The following MAP4K3 variants were observed in gnomAD, a reference collection of about 807,000 sequenced individuals.
MAP4K3 encodes mitogen-activated protein kinase kinase kinase kinase 3.
MAP4K3 carries 94 observed loss-of-function variants against 143.5 expected under a neutral mutation model. The observed-to-expected ratio is 0.65, with a 90% CI of 0.55 to 0.78. The LOEUF (loss-of-function observed/expected upper bound fraction) is 0.78. MAP4K3 is among the 30% of genes least tolerant of loss of function. MAP4K3 has a pLI of 0.00. For missense variants in MAP4K3, 1,077 were observed against 1,068.1 expected (o/e 1.01, Z -0.12); for synonymous variants, 416 against 347.2 (o/e 1.20, Z -2.20).
chr2:39,280,359 A>G lies in MAP4K3; in HGVS notation c.1630-3T>C. ...ACTTTTGAAAAACATGCACCCATCT[A>G]GGGAAACAAAGAATAACCAATATGA... On this transcript the variant is annotated splice_region_variant and splice_polypyrimidine_tract_variant and intron_variant, in intron 22 of 33. Transcript: ENST00000263881. 1.3e-6 allele frequency: 2 copies of G among 1,577,266 alleles called. No individual in the cohort carries two copies. The highest frequency in any genetic ancestry group is 1.1e-5 in the South Asian group (1 of 87,206).
intron 3 of MAP4K3, among the ~76,000 whole-genome samples, chr2:39,345,336 G>C (rs1468035995): frequency 2.0e-5 from 3 of 152,062 alleles, no homozygotes; most frequent in Non-Finnish European, 2.9e-5. Context: ...CGTATTATTT[G>C]AGCCCAGGAG....
intron 28 of MAP4K3, among the ~76,000 whole-genome samples, chr2:39,263,470 G>A (rs1680648950): frequency 1.4e-5 from 2 of 147,374 alleles, no homozygotes; most frequent in African/African-American, 5.0e-5. Context: ...TAGTAGAGAC[G>A]GGGTTTCACC....
chr2:39,307,075 A>T (rs1015668793), intron 15 of MAP4K3, among the ~76,000 whole-genome samples: 2 of 152,244 alleles, frequency 1.3e-5, no homozygotes, highest in Non-Finnish European at 1.5e-5. Flanking sequence ...GTCCTAGATT[A>T]AAAAATTTAT....
At chr2:39,274,677 A>G (rs930687630) in intron 24 of MAP4K3, among the ~76,000 whole-genome samples, 1 of 152,200 alleles carries the variant, frequency 6.6e-6, no homozygotes, top group Non-Finnish European at 1.5e-5. Flanking sequence ...GCCTAGACTC[A>G]TATATCTGTT....
At chr2:39,274,575 T>C (rs940584525) in intron 24 of MAP4K3, among the ~76,000 whole-genome samples, 1 of 152,202 alleles carries the variant, frequency 6.6e-6, no homozygotes, top group South Asian at 2.1e-4. Flanking sequence ...AGATTTTCAA[T>C]GCTTTCTTCC....
chr2:39,307,902 TA>T, intron 15 of MAP4K3, 40 bp downstream of exon 15: 2 of 1,448,762 alleles, frequency 1.4e-6, no homozygotes, highest in South Asian at 1.3e-5. Flanking sequence ...CAATTAAGAC[TA>T]AAACAATGCT....
intron 1 of MAP4K3, among the ~76,000 whole-genome samples, chr2:39,414,729 G>C (rs1400041112): frequency 1.3e-5 from 2 of 152,096 alleles, no homozygotes; most frequent in East Asian, 1.9e-4. Flanking sequence ...CAAAAAATTA[G>C]CTGGGCGTGG....
intron 29 of MAP4K3, among the ~76,000 whole-genome samples, chr2:39,260,027 A>G (rs1053069050): frequency 2.6e-5 from 4 of 152,180 alleles, no homozygotes; most frequent in African/African-American, 9.7e-5. Flanking sequence ...TATACACAGG[A>G]CTTTGAGGAT....
intron 2 of MAP4K3, among the ~76,000 whole-genome samples, chr2:39,361,611 A>T (rs2148559262): frequency 6.6e-6 from 1 of 152,016 alleles, no homozygotes; most frequent in East Asian, 1.9e-4. Flanking sequence ...TGTACCTAAG[A>T]ATAAGCTTTA....
chr2:39,435,815 T>G (rs1349211443), intron 1 of MAP4K3, among the ~76,000 whole-genome samples: 1 of 152,132 alleles, frequency 6.6e-6, no homozygotes, highest in African/African-American at 2.4e-5. Context: ...TCCACGATGG[T>G]GAAAAGTAGA....
intron 2 of MAP4K3, among the ~76,000 whole-genome samples, chr2:39,374,853 T>TA (rs1017402876): frequency 2.0e-5 from 3 of 151,914 alleles, no homozygotes; most frequent in Non-Finnish European, 4.4e-5. Flanking sequence ...TTATCAGCTG[T>TA]AAAAAAAGGA....
Position 39,280,318 on chromosome 2 carries a change from G to T in MAP4K3, c.1668C>A (p.Pro556=). ...ATGATGATGCACAGTGAATTTTCAA[G>T]GGACACCCATTAAAAACTTTTGAAA... The part of the protein sequence containing the change: ...ACFSKVFNGC[P]LKIHCASSWI... Residue 556 remains proline, a synonymous_variant, in exon 23 of 34, where the codon CCC becomes CCA. Coordinates refer to ENST00000263881, the MANE Select transcript of MAP4K3 (RefSeq NM_003618.4). The T allele has an allele frequency of 6.2e-7, 1 of 1,603,704 alleles. No homozygotes were observed. The highest frequency in any genetic ancestry group is 8.5e-7 in the Non-Finnish European group (1 of 1,173,808).
chr2:39,269,962 C>T (rs960644050), intron 26 of MAP4K3, among the ~76,000 whole-genome samples: 2 of 151,958 alleles, frequency 1.3e-5, no homozygotes, highest in South Asian at 2.1e-4. Context: ...TCCCCACACT[C>T]TTAACGAATC....
intron 18 of MAP4K3, among the ~76,000 whole-genome samples, 192 bp from the exon 19 acceptor site, chr2:39,290,526 G>A (rs1008306464): frequency 2.0e-5 from 3 of 152,124 alleles, no homozygotes; most frequent in South Asian, 2.1e-4. Flanking sequence ...GGGAACTGGA[G>A]GACATTATGT....
intron 20 of MAP4K3, among the ~76,000 whole-genome samples, chr2:39,287,244 A>G (rs1681826318): frequency 6.6e-6 from 1 of 151,964 alleles, no homozygotes; most frequent in African/African-American, 2.4e-5. Context: ...ATTCATAACT[A>G]CTTTTAGAAA....
intron 2 of MAP4K3, among the ~76,000 whole-genome samples, chr2:39,363,252 A>G (rs964972843): frequency 5.9e-5 from 9 of 152,234 alleles, no homozygotes; most frequent in African/African-American, 1.9e-4. Context: ...CACAAGAAAC[A>G]GAATTAAAAG....
At chr2:39,432,237 T>C (rs1665312833) in intron 1 of MAP4K3, among the ~76,000 whole-genome samples, 5 of 152,248 alleles carry the variant, frequency 3.3e-5, no homozygotes, top group Admixed American at 2.6e-4. Flanking sequence ...AAATGATGCA[T>C]TAGATACGTT....
At chr2:39,281,853 A>C (rs1681545293) in intron 22 of MAP4K3, among the ~76,000 whole-genome samples, 1 of 151,296 alleles carries the variant, frequency 6.6e-6, no homozygotes, top group Non-Finnish European at 1.5e-5. Flanking sequence ...ATTTTGTAAC[A>C]TACAGTTTAT....
chr2:39,359,406 C>T (rs1350807379), intron 2 of MAP4K3, among the ~76,000 whole-genome samples: 1 of 152,190 alleles, frequency 6.6e-6, no homozygotes, highest in Non-Finnish European at 1.5e-5. Context: ...GGGTACAGCT[C>T]CCCTCCTGGC....
Sources: gnomAD v4.1 joint callset for allele counts (sites outside exome capture counted in the v4.1 genomes callset) on GRCh38, gnomAD v4.1.1 for gene constraint, MANE v1.5 for transcripts, NCBI Gene and HGNC (gene_info 2026-07-23, HGNC 2026-07-21) for gene names.